The following ATF7 variants were observed in gnomAD, a reference collection of about 807,000 sequenced individuals.
The protein encoded by ATF7 is activating transcription factor 7.
ATF7 carries 10 observed loss-of-function variants against 50.4 expected under a neutral mutation model. That is an observed-to-expected ratio of 0.20 (90% CI 0.12 to 0.34). The LOEUF (loss-of-function observed/expected upper bound fraction) is 0.34, where lower values mean the gene tolerates loss of function less well. Ranked by LOEUF, ATF7 falls within the 10% of genes least tolerant of loss-of-function variation. The pLI, the probability that ATF7 is intolerant of heterozygous loss-of-function variation, is 1.00. For missense variants in ATF7, 465 were observed against 613.9 expected (o/e 0.76, Z 2.56); for synonymous variants, 201 against 226.4 (o/e 0.89, Z 1.01).
chr12:53,550,405 A>G (rs1253075273), intron 3 of ATF7, among the ~76,000 whole-genome samples: 1 of 150,992 alleles, frequency 6.6e-6, no homozygotes, highest in Non-Finnish European at 1.5e-5. Flanking sequence ...CAGGAAAATA[A>G]TGATAGATTT....
chr12:53,608,783 C>T (rs1001648087), intron 1 of ATF7, among the ~76,000 whole-genome samples: 2 of 152,108 alleles, frequency 1.3e-5, no homozygotes, highest in African/African-American at 4.8e-5. Context: ...AATTTAGCTG[C>T]CATTAAGCAA....
In ATF7 at chr12:53,547,644, C is replaced by T. The variant is rs527917015; in HGVS notation, c.146-4196G>A. Reference sequence around the variant, plus strand: ...CCAGGCTGGAGTGCAATGGCATGATCATGGTTCACTGAAACCTTGAACTCC... The same window carrying T: ...CCAGGCTGGAGTGCAATGGCATGATTATGGTTCACTGAAACCTTGAACTCC... On this transcript the variant is annotated intron_variant, in intron 3 of 11. Coordinates refer to ENST00000420353, the MANE Select transcript of ATF7 (RefSeq NM_006856.3). Among the ~76,000 whole-genome samples the T allele has an allele frequency of 1.7e-3, 250 of 150,036 alleles. 4 individuals are homozygous for T. The highest frequency in any genetic ancestry group is 5.7e-3 in the African/African-American group (231 of 40,700).
chr12:53,621,665 T>C (rs1440045925), intron 1 of ATF7, among the ~76,000 whole-genome samples: 2 of 151,396 alleles, frequency 1.3e-5, no homozygotes, highest in East Asian at 3.9e-4. Context: ...GGTGCAGGCC[T>C]GTAATCCCAA....
intron 11 of ATF7, among the ~76,000 whole-genome samples, chr12:53,518,534 A>G (rs890794493): frequency 6.6e-6 from 1 of 152,234 alleles, no homozygotes; most frequent in Non-Finnish European, 1.5e-5. Context: ...CACAGCTCAC[A>G]GCAGCCTTCA....
At chr12:53,607,330 C>T (rs1565594888) in intron 1 of ATF7, among the ~76,000 whole-genome samples, 2 of 152,016 alleles carry the variant, frequency 1.3e-5, no homozygotes, top group African/African-American at 4.8e-5. Context: ...TTATATAGTA[C>T]TTTTGGGAGT....
chr12:53,549,242 G>A (rs372763181), intron 3 of ATF7, among the ~76,000 whole-genome samples: 6 of 147,174 alleles, frequency 4.1e-5, no homozygotes, highest in Admixed American at 1.4e-4. Flanking sequence ...AGCGGAGATC[G>A]CGCCACTGCA....
chr12:53,550,279 A>G (rs1940252790), intron 3 of ATF7, among the ~76,000 whole-genome samples: 1 of 150,624 alleles, frequency 6.6e-6, no homozygotes, highest in Non-Finnish European at 1.5e-5. Flanking sequence ...AGCCGAGATT[A>G]CGCCACTGCA....
At chr12:53,609,887 G>A (rs1198815128) in intron 1 of ATF7, among the ~76,000 whole-genome samples, 1 of 143,850 alleles carries the variant, frequency 7.0e-6, no homozygotes, top group Admixed American at 7.4e-5. Context: ...TGTGATCTTG[G>A]CTTACTGCAA....
intron 1 of ATF7, among the ~76,000 whole-genome samples, chr12:53,604,354 G>A (rs943625380): frequency 6.6e-6 from 1 of 152,136 alleles, no homozygotes; most frequent in Non-Finnish European, 1.5e-5. Flanking sequence ...AAGATTTAGA[G>A]AATGATTTTT....
chr12:53,582,341 A>AAAT (rs1302733601), intron 2 of ATF7, among the ~76,000 whole-genome samples: 1 of 151,092 alleles, frequency 6.6e-6, no homozygotes, highest in African/African-American at 2.4e-5. Flanking sequence ...AAAAAAAAAA[A>AAAT]AAACCTACTA....
At chr12:53,610,843 T>C (rs1434495854) in intron 1 of ATF7, among the ~76,000 whole-genome samples, 1 of 152,198 alleles carries the variant, frequency 6.6e-6, no homozygotes, top group African/African-American at 2.4e-5. Context: ...TTTTCTTGTT[T>C]GTTTGAGACA....
intron 2 of ATF7, among the ~76,000 whole-genome samples, chr12:53,583,625 A>T (rs1475044767): frequency 6.6e-6 from 1 of 152,150 alleles, no homozygotes; most frequent in Non-Finnish European, 1.5e-5. Flanking sequence ...ACTGACCTAG[A>T]TGACTTTTGT....
chr12:53,556,652 G>T (rs1404077343), intron 2 of ATF7, among the ~76,000 whole-genome samples: 2 of 152,184 alleles, frequency 1.3e-5, no homozygotes, highest in Admixed American at 6.6e-5. Flanking sequence ...GTTTTACATA[G>T]TCCTTATATT....
intron 7 of ATF7, 92 bp downstream of exon 7, chr12:53,533,068 T>G (rs952152544): frequency 3.4e-6 from 4 of 1,162,626 alleles, no homozygotes. Context: ...AGCCCACATT[T>G]CCCTGGGGCT....
chr12:53,613,040 T>A (rs3864904), intron 1 of ATF7, among the ~76,000 whole-genome samples: 26,436 of 152,096 alleles, frequency 0.17, 2,918 homozygotes, highest in East Asian at 0.56. Flanking sequence ...AATGCATTTT[T>A]AAAAAATTTC....
At chr12:53,537,693 A>C in intron 4 of ATF7, 141 bp from the exon 5 acceptor site, 1 of 977,676 alleles carries the variant, frequency 1.0e-6, no homozygotes, top group South Asian at 1.8e-5. Flanking sequence ...ATGTCAAATA[A>C]ATGTGGGCCC....
chr12:53,587,999 G>A (rs1942795635), intron 2 of ATF7, among the ~76,000 whole-genome samples: 1 of 151,464 alleles, frequency 6.6e-6, no homozygotes, highest in South Asian at 2.1e-4. Flanking sequence ...ATAGGCACCT[G>A]CCACCACCCC....
chr12:53,578,842 C>T (rs1176538412), intron 2 of ATF7, among the ~76,000 whole-genome samples: 1 of 151,432 alleles, frequency 6.6e-6, no homozygotes, highest in African/African-American at 2.4e-5. Flanking sequence ...GCTCCAAGCA[C>T]ACTGGGATCC....
chr12:53,530,059 T>A (rs1938773846), intron 9 of ATF7, among the ~76,000 whole-genome samples: 1 of 152,080 alleles, frequency 6.6e-6, no homozygotes, highest in South Asian at 2.1e-4. Context: ...AATACAAATT[T>A]TAAAAATAAA....
Sources: allele counts gnomAD v4.1 joint callset (sites outside exome capture counted in the v4.1 genomes callset), GRCh38; gene constraint gnomAD v4.1.1; transcripts MANE v1.5; gene names NCBI Gene and HGNC (gene_info 2026-07-23, HGNC 2026-07-21).